The following CLOCK variants were observed in gnomAD, a reference collection of about 807,000 sequenced individuals.
The protein encoded by CLOCK is circadian locomoter output cycles protein kaput.
In CLOCK, 43 loss-of-function variants were observed where a neutral mutation model predicts 118.4. That is an observed-to-expected ratio of 0.36 (90% CI 0.28 to 0.47). The LOEUF (loss-of-function observed/expected upper bound fraction) is 0.47. CLOCK is among the 20% of genes least tolerant of loss of function. The probability of loss-of-function intolerance (pLI) is 1.00; values close to 1 mark genes in which losing one functional copy is unlikely to be tolerated. For synonymous variants in CLOCK, 326 were observed against 339.2 expected (o/e 0.96, Z 0.43); for missense variants, 846 against 999.9 (o/e 0.85, Z 2.08).
intron 22 of CLOCK, among the ~76,000 whole-genome samples, chr4:55,437,444 T>G (rs1162049318): frequency 6.6e-6 from 1 of 152,208 alleles, no homozygotes; most frequent in Non-Finnish European, 1.5e-5. Context: ...TGTACATTTC[T>G]CTGCTGAGGA....
chr4:55,458,225 T>A (rs988815245), intron 11 of CLOCK, among the ~76,000 whole-genome samples: 2 of 152,186 alleles, frequency 1.3e-5, no homozygotes, highest in Non-Finnish European at 2.9e-5. Flanking sequence ...CATGCCTGGC[T>A]AATTTTTTGT....
chr4:55,480,889 T>TTA (rs1577764988), intron 4 of CLOCK, among the ~76,000 whole-genome samples: 2 of 21,844 alleles, frequency 9.2e-5, no homozygotes, highest in Non-Finnish European at 1.5e-4. Flanking sequence ...AGACTCTGTC[T>TTA]CAAAAAAAAA....
At chr4:55,438,882 G>A (rs1201279726) in intron 21 of CLOCK, among the ~76,000 whole-genome samples, 1 of 152,138 alleles carries the variant, frequency 6.6e-6, no homozygotes. Context: ...AAAACTCTTA[G>A]AAGAAAACAT....
intron 9 of CLOCK, 102 bp downstream of exon 9, chr4:55,463,583 G>A (rs1265526297): frequency 8.8e-7 from 1 of 1,136,752 alleles, no homozygotes; most frequent in South Asian, 1.3e-5. Flanking sequence ...GGCATATGGA[G>A]TAATGCTGTA....
chr4:55,506,573 A>T (rs996140068), intron 2 of CLOCK, among the ~76,000 whole-genome samples: 1 of 151,504 alleles, frequency 6.6e-6, no homozygotes, highest in African/African-American at 2.4e-5. Context: ...TTTATATTTT[A>T]TTTTTTTTAA....
chr4:55,516,938 T>C (rs73153684), intron 1 of CLOCK, among the ~76,000 whole-genome samples: 2,496 of 152,288 alleles, frequency 0.016, 66 homozygotes, highest in African/African-American at 0.058. Context: ...AACCACTTTA[T>C]GGGTAGTACA....
chr4:55,435,554 ATG>A lies in CLOCK; in HGVS notation c.2400_2401del (p.Ile801SerfsTer34). On this transcript the variant is annotated frameshift_variant, in exon 23 of 23. Transcript: ENST00000513440. LOFTEE classifies it high-confidence loss of function. ...TTGTAGAGGAAATGCAGCAGAGAGAATGAGTTGAGTTGAGGGATTCCCATGGA... is the reference window on the plus strand; with the variant it reads ...TTGTAGAGGAAATGCAGCAGAGAGAAAGTTGAGTTGAGGGATTCCCATGGA... The A allele has an allele frequency of 6.2e-7, 1 of 1,614,010 alleles. No individual in the cohort carries two copies. The highest frequency in any genetic ancestry group is 8.5e-7 in the Non-Finnish European group (1 of 1,179,898).
chr4:55,455,857 A>G, intron 13 of CLOCK, 40 bp downstream of exon 13: 2 of 1,332,856 alleles, frequency 1.5e-6, no homozygotes, highest in Non-Finnish European at 2.2e-6. Flanking sequence ...TTCTGCTTAT[A>G]AAACAGTTAT....
rs1724316057 is a variant in CLOCK at position 55,450,319 on chromosome 4, T to C, written c.1207-87A>G. On this transcript the variant is annotated intron_variant, in intron 15 of 22. Transcript: ENST00000513440. ...AATACTGTTAACAACAACAAAAAAA[T>C]CAGTTTTTGTCTATAACAAGGCAAA... is the stretch of plus-strand genomic sequence containing the variant. The C allele has an allele frequency of 2.6e-6, 4 of 1,525,570 alleles. No individual in the cohort carries two copies. The South Asian group carries it at 4.5e-5, about 17-fold the overall frequency. The allele number at this position is 1,525,570 out of a possible 1,614,324, so 94.5% of individuals were successfully genotyped here.
At chr4:55,440,441 G>A (rs1353963222) in intron 21 of CLOCK, among the ~76,000 whole-genome samples, 1 of 151,990 alleles carries the variant, frequency 6.6e-6, no homozygotes, top group African/African-American at 2.4e-5. Context: ...TTATAACATT[G>A]GTCATTACAG....
intron 15 of CLOCK, 81 bp downstream of exon 15, chr4:55,452,971 AAT>A (rs1225538829): frequency 2.1e-6 from 2 of 961,498 alleles, no homozygotes; most frequent in African/African-American, 3.4e-5. Context: ...ATTTTTGAAA[AAT>A]AGTTTTCCTA....
chr4:55,457,290 G>C (rs1724988567), intron 11 of CLOCK, among the ~76,000 whole-genome samples: 1 of 152,048 alleles, frequency 6.6e-6, no homozygotes, highest in Admixed American at 6.5e-5. Context: ...CTAGAAATCT[G>C]ATAGTTAAAA....
At chr4:55,479,521 C>T (rs1219188830) in intron 5 of CLOCK, 119 bp downstream of exon 5, 3 of 784,186 alleles carry the variant, frequency 3.8e-6, no homozygotes, top group South Asian at 1.6e-5. Context: ...TTCCACCTTG[C>T]TAATATATCT....
rs552813631 is a variant in CLOCK at position 55,464,239 on chromosome 4, CT to C, written c.439-435del. 1.1e-3 allele frequency among the ~76,000 whole-genome samples: 163 copies of C among 152,220 alleles called. 1 individual carries two copies. Among genetic ancestry groups the C allele is most frequent in the Non-Finnish European group, 2.1e-3 (142 of 68,014 alleles). ...TGTGATTTCAATTGTCCAATGTGTC[CT>C]TTATTTCATCTTTTCCTGGCATTTA... On this transcript the variant is annotated intron_variant, in intron 8 of 22. Transcript: ENST00000513440.
At chr4:55,539,069 C>T (rs1048264624) in intron 1 of CLOCK, among the ~76,000 whole-genome samples, 1 of 151,666 alleles carries the variant, frequency 6.6e-6, no homozygotes, top group African/African-American at 2.4e-5. Flanking sequence ...CCTATCTCTA[C>T]TAAAAATACA....
At position 55,448,583 on chromosome 4, in the gene CLOCK, TGC is replaced by T. The variant is rs1016031959; in HGVS notation, c.1539+194_1539+195del. On this transcript the variant is annotated intron_variant, in intron 18 of 22. Coordinates refer to ENST00000513440, the MANE Select transcript of CLOCK (RefSeq NM_004898.4). Reference sequence around the variant, plus strand: ...GCATCTGTAACTATAATTATATATGTGCGCGCGCGCACGCGCGCGTGTGTGTG... The same window carrying T: ...GCATCTGTAACTATAATTATATATGTGCGCGCGCACGCGCGCGTGTGTGTG... 3.3e-4 allele frequency among the ~76,000 whole-genome samples: 35 copies of T among 106,080 alleles called. 1 individual carries two copies. The South Asian group carries it at 0.011, about 33-fold the overall frequency. The allele number at this position is 106,080 out of a possible 152,430, so 69.6% of individuals were successfully genotyped here. A position where few individuals can be genotyped will look rare whatever the true frequency, so the allele number is the denominator to read the frequency against.
Position 55,433,483 on chromosome 4 carries a change from G to C in CLOCK, c.*1932C>G, listed in dbSNP as rs1000088900. 2.0e-5 allele frequency: 3 copies of C among 152,288 alleles called. No individual in the cohort carries two copies. The highest frequency in any genetic ancestry group is 7.2e-5 in the African/African-American group (3 of 41,438). The allele number at this position is 152,288 out of a possible 1,614,324, so 9.4% of individuals were successfully genotyped here. Reference sequence around the variant, plus strand: ...AGAGGACAGAGAAGTCTTAAGAACTGGCTTAGCATTCCCCTGACCTCTTTA... The same window carrying C: ...AGAGGACAGAGAAGTCTTAAGAACTCGCTTAGCATTCCCCTGACCTCTTTA... On this transcript the variant is annotated 3_prime_UTR_variant, in exon 23 of 23. Coordinates refer to ENST00000513440, the MANE Select transcript of CLOCK (RefSeq NM_004898.4).
intron 1 of CLOCK, among the ~76,000 whole-genome samples, chr4:55,542,835 A>G (rs1731371543): frequency 6.6e-6 from 1 of 152,162 alleles, no homozygotes; most frequent in South Asian, 2.1e-4. Flanking sequence ...AAGCAAGTAC[A>G]GAAGGAAAAA....
At chr4:55,473,597 T>C (rs1486393986) in intron 7 of CLOCK, among the ~76,000 whole-genome samples, 1 of 152,230 alleles carries the variant, frequency 6.6e-6, no homozygotes, top group Non-Finnish European at 1.5e-5. Flanking sequence ...AATCTATTTA[T>C]ACAGGCATAC....
Sources: gnomAD v4.1 joint callset for allele counts (sites outside exome capture counted in the v4.1 genomes callset) on GRCh38, gnomAD v4.1.1 for gene constraint, MANE v1.5 for transcripts, NCBI Gene and HGNC (gene_info 2026-07-23, HGNC 2026-07-21) for gene names.